Variants in PARP8 observed in about 807,000 individuals in gnomAD.
The protein encoded by PARP8 is protein mono-ADP-ribosyltransferase PARP8.
A neutral mutation model predicts 124.1 loss-of-function variants in PARP8; 51 were observed. The observed-to-expected ratio is 0.41, with a 90% CI of 0.33 to 0.52. PARP8 has a LOEUF of 0.52. PARP8 is among the 20% of genes least tolerant of loss of function. PARP8 has a pLI of 0.21. For synonymous variants in PARP8, 391 were observed against 361.5 expected, an observed-to-expected ratio of 1.08 and a Z score of -0.93; for missense variants, 860 against 1,018.9, an observed-to-expected ratio of 0.84 and a Z score of 2.12.
chr5:50,678,451 G>A (rs1328545075), intron 2 of PARP8, among the ~76,000 whole-genome samples: 2 of 152,192 alleles, frequency 1.3e-5, no homozygotes, highest in African/African-American at 4.8e-5. Flanking sequence ...ATTCTAAAAT[G>A]AAGGATATCT....
At chr5:50,739,401 G>A (rs569159999) in intron 2 of PARP8, among the ~76,000 whole-genome samples, 13 of 151,764 alleles carry the variant, frequency 8.6e-5, no homozygotes, top group Non-Finnish European at 1.3e-4. Context: ...GGGGGATGGG[G>A]GTGGGGAGGG....
At chr5:50,682,965 A>G (rs1048632026) in intron 2 of PARP8, among the ~76,000 whole-genome samples, 3 of 152,112 alleles carry the variant, frequency 2.0e-5, no homozygotes, top group African/African-American at 4.8e-5. Flanking sequence ...ACAATGCTTG[A>G]AATTAGGACT....
At chr5:50,708,877 G>T (rs572639928) in intron 2 of PARP8, among the ~76,000 whole-genome samples, 1 of 151,978 alleles carries the variant, frequency 6.6e-6, no homozygotes, top group African/African-American at 2.4e-5. Flanking sequence ...AAACTCCTGG[G>T]CTCAAGCAAT....
At chr5:50,733,028 G>A (rs1252207828) in intron 2 of PARP8, among the ~76,000 whole-genome samples, 4 of 151,890 alleles carry the variant, frequency 2.6e-5, no homozygotes, top group Admixed American at 6.6e-5. Context: ...AAGGCCGGGC[G>A]CGGTGGCTCA....
chr5:50,750,786 A>G (rs1237733208), intron 3 of PARP8, among the ~76,000 whole-genome samples: 2 of 152,160 alleles, frequency 1.3e-5, no homozygotes, highest in African/African-American at 2.4e-5. Context: ...TGTTTTAAGA[A>G]TAGTATTCTA....
chr5:50,793,667 A>G (rs1742209523), intron 10 of PARP8, among the ~76,000 whole-genome samples: 1 of 152,226 alleles, frequency 6.6e-6, no homozygotes, highest in Non-Finnish European at 1.5e-5. Flanking sequence ...ACGTAGAGCC[A>G]GTTCTGCGTG....
At chr5:50,695,274 A>C (rs1181642939) in intron 2 of PARP8, among the ~76,000 whole-genome samples, 1 of 152,210 alleles carries the variant, frequency 6.6e-6, no homozygotes. Context: ...AATAATACTG[A>C]ATTGTCAGTC....
intron 2 of PARP8, among the ~76,000 whole-genome samples, chr5:50,698,843 TCTTTAA>T (rs1753298838): frequency 6.6e-6 from 1 of 152,164 alleles, no homozygotes; most frequent in Non-Finnish European, 1.5e-5. Flanking sequence ...GCCAAAATGA[TCTTTAA>T]CTTTGAATTA....
intron 9 of PARP8, among the ~76,000 whole-genome samples, chr5:50,787,190 C>T (rs577018606): frequency 6.6e-6 from 1 of 152,128 alleles, no homozygotes; most frequent in Non-Finnish European, 1.5e-5. Flanking sequence ...ATGTTCATCA[C>T]CTCCACGGAC....
chr5:50,744,630 A>G (rs1323164839), intron 2 of PARP8: 3 of 666,270 alleles, frequency 4.5e-6, no homozygotes, highest in Non-Finnish European at 8.1e-6. Context: ...AATATATACC[A>G]AACACATATT....
rs752736645 is a variant in PARP8 at position 50,794,167 on chromosome 5, C to T, written c.738-40C>T. On this transcript the variant is annotated intron_variant, in intron 10 of 25. Coordinates refer to ENST00000281631, the MANE Select transcript of PARP8 (RefSeq NM_024615.4). ...AATACAGTAACATTAATTGAAATTG[C>T]CTTGGAATGGTGATAACAGAATTAC... 4.4e-6 allele frequency: 7 copies of T among 1,575,138 alleles called. No individual in the cohort carries two copies. In the Admixed American group the frequency reaches 1.1e-4, roughly 24 times the overall value.
intron 22 of PARP8, among the ~76,000 whole-genome samples, chr5:50,831,265 C>T (rs1258590984): frequency 2.6e-5 from 4 of 152,050 alleles, no homozygotes; most frequent in African/African-American, 4.8e-5. Flanking sequence ...AAAATAACAG[C>T]TTCATTACGC....
At chr5:50,748,549 T>G (rs1172038092) in intron 2 of PARP8, among the ~76,000 whole-genome samples, 1 of 152,224 alleles carries the variant, frequency 6.6e-6, no homozygotes, top group East Asian at 1.9e-4. Context: ...GCAGGTCTGC[T>G]GGGGACCAAT....
intron 7 of PARP8, among the ~76,000 whole-genome samples, chr5:50,772,090 C>A (rs1176179289): frequency 6.6e-6 from 1 of 152,162 alleles, no homozygotes; most frequent in Non-Finnish European, 1.5e-5. Context: ...AAATGACTTA[C>A]ATCACGCAGT....
chr5:50,841,538 G>A (rs1487631103), intron 25 of PARP8, among the ~76,000 whole-genome samples: 1 of 151,892 alleles, frequency 6.6e-6, no homozygotes, highest in Non-Finnish European at 1.5e-5. Context: ...AGAAGCAGTG[G>A]TAGAAAGTGA....
At chr5:50,805,578 T>C (rs1445860629) in intron 14 of PARP8, among the ~76,000 whole-genome samples, 1 of 152,138 alleles carries the variant, frequency 6.6e-6, no homozygotes. Context: ...CATGCTAGAT[T>C]CTGTTACACT....
chr5:50,711,649 C>T (rs533914513), intron 2 of PARP8, among the ~76,000 whole-genome samples: 2 of 152,146 alleles, frequency 1.3e-5, no homozygotes, highest in Non-Finnish European at 2.9e-5. Context: ...CTTGGTTGAG[C>T]CGCTGAATTA....
chr5:50,819,429 T>TC (rs1215331470), intron 15 of PARP8, among the ~76,000 whole-genome samples: 3 of 80,374 alleles, frequency 3.7e-5, no homozygotes, highest in African/African-American at 2.0e-4. Flanking sequence ...TTTATCTTCT[T>TC]TTTTTTTTTT....
chr5:50,696,531 T>C (rs1753043823), intron 2 of PARP8, among the ~76,000 whole-genome samples: 1 of 152,170 alleles, frequency 6.6e-6, no homozygotes, highest in African/African-American at 2.4e-5. Context: ...TACCCACCAG[T>C]AACTTCTCTT....
Sources: allele counts gnomAD v4.1 joint callset (sites outside exome capture counted in the v4.1 genomes callset), GRCh38; gene constraint gnomAD v4.1.1; transcripts MANE v1.5; gene names NCBI Gene and HGNC (gene_info 2026-07-23, HGNC 2026-07-21).